The following GRID1 variants were observed in gnomAD, a reference collection of about 807,000 sequenced individuals.
The protein encoded by GRID1 is glutamate receptor ionotropic, delta-1.
In GRID1, 28 loss-of-function variants were observed where a neutral mutation model predicts 98.0. That is an observed-to-expected ratio of 0.29 (90% CI 0.21 to 0.39). The LOEUF (loss-of-function observed/expected upper bound fraction) is 0.39. Among genes scored for constraint, GRID1 ranks in the 10% least tolerant of loss-of-function variants. The pLI is 1.00. For missense variants in GRID1, 1,111 were observed against 1,340.5 expected (o/e 0.83, Z 2.67); for synonymous variants, 553 against 538.5 (o/e 1.03, Z -0.37).
intron 5 of GRID1, among the ~76,000 whole-genome samples, chr10:85,909,784 G>A (rs1202098266): frequency 6.6e-6 from 1 of 152,136 alleles, no homozygotes; most frequent in Non-Finnish European, 1.5e-5. Flanking sequence ...CATTCCTGAG[G>A]ACCATGAGGG....
chr10:85,901,232 TTTATTTATTTA>T (rs1841381696), intron 5 of GRID1, among the ~76,000 whole-genome samples: 1 of 111,542 alleles, frequency 9.0e-6, no homozygotes, highest in African/African-American at 3.1e-5. Context: ...TTTTATTTTA[TTTATTTATTTA>T]TTTATTTATT....
chr10:85,923,942 T>A (rs554199887), intron 4 of GRID1, among the ~76,000 whole-genome samples: 1 of 152,214 alleles, frequency 6.6e-6, no homozygotes, highest in South Asian at 2.1e-4. Flanking sequence ...AATTCCTGGA[T>A]CACATGCACC....
intron 3 of GRID1, among the ~76,000 whole-genome samples, chr10:86,154,951 C>T (rs548300621): frequency 6.6e-6 from 1 of 152,280 alleles, no homozygotes; most frequent in South Asian, 2.1e-4. Context: ...CTATTATTAT[C>T]CCCACTTTAC....
chr10:85,771,703 C>A (rs1206433378), intron 8 of GRID1, among the ~76,000 whole-genome samples: 1 of 152,134 alleles, frequency 6.6e-6, no homozygotes, highest in Non-Finnish European at 1.5e-5. Context: ...TTTAAACCAG[C>A]AAATATCAAA....
At chr10:85,769,669 T>C (rs1456236369) in intron 8 of GRID1, among the ~76,000 whole-genome samples, 1 of 152,186 alleles carries the variant, frequency 6.6e-6, no homozygotes, top group Admixed American at 6.5e-5. Flanking sequence ...ACCAGGAGAT[T>C]ATATCCTGCA....
chr10:86,077,797 T>C (rs1471327524), intron 4 of GRID1, among the ~76,000 whole-genome samples: 1 of 152,028 alleles, frequency 6.6e-6, no homozygotes, highest in Non-Finnish European at 1.5e-5. Context: ...AGCAGACAAA[T>C]CATGGATGGG....
chr10:86,220,856 C>T (rs1846242422), intron 2 of GRID1, among the ~76,000 whole-genome samples: 1 of 152,190 alleles, frequency 6.6e-6, no homozygotes, highest in Admixed American at 6.5e-5. Flanking sequence ...AGCCAGGTGT[C>T]GGGGGTGCGC....
chr10:86,231,025 G>C (rs762616049), intron 2 of GRID1, among the ~76,000 whole-genome samples: 3 of 152,156 alleles, frequency 2.0e-5, no homozygotes, highest in Non-Finnish European at 4.4e-5. Context: ...CTCAGCACTG[G>C]GCTGTTTCCA....
chr10:85,847,593 T>C (rs895217411), intron 8 of GRID1, among the ~76,000 whole-genome samples: 7 of 152,136 alleles, frequency 4.6e-5, no homozygotes, highest in African/African-American at 1.7e-4. Flanking sequence ...TTCAAGTCAA[T>C]AGGGAAATGA....
intron 8 of GRID1, among the ~76,000 whole-genome samples, chr10:85,836,378 C>A (rs1842911572): frequency 6.6e-6 from 1 of 151,986 alleles, no homozygotes; most frequent in Non-Finnish European, 1.5e-5. Flanking sequence ...AGGAAAGACA[C>A]ACAAGCTAGA....
At position 85,613,413 on chromosome 10, in the gene GRID1, G is replaced by C. The variant is rs749183071; in HGVS notation, c.2595C>G (p.Pro865=). The change falls in exon 15 of 16, where the codon CCC becomes CCG. Residue 865 remains proline (P), a synonymous_variant. Coordinates refer to ENST00000327946, the MANE Select transcript of GRID1 (RefSeq NM_017551.3). ...CAGGCCCCAGGGTGCTGACCTCCTT[G>C]GGGGTCTCCTGGTGGCACCGGTTGC... ...WNSNRCHQET[P]KEDKEVNLEQ... 7.4e-6 allele frequency: 12 copies of C among 1,612,512 alleles called. No individual in the cohort carries two copies. The highest frequency in any genetic ancestry group is 1.0e-5 in the Non-Finnish European group (12 of 1,179,688).
intron 2 of GRID1, among the ~76,000 whole-genome samples, chr10:86,337,032 T>C (rs1351755493): frequency 3.4e-5 from 5 of 148,564 alleles, no homozygotes; most frequent in African/African-American, 5.1e-5. Context: ...TTTTTTTTTT[T>C]AGTAGAGGCG....
intron 2 of GRID1, among the ~76,000 whole-genome samples, chr10:86,287,496 G>T (rs1219302732): frequency 6.6e-6 from 1 of 152,220 alleles, no homozygotes; most frequent in African/African-American, 2.4e-5. Flanking sequence ...TGCTTGCACT[G>T]GCACCCTGGA....
At chr10:86,180,609 C>T (rs1845641698) in intron 3 of GRID1, among the ~76,000 whole-genome samples, 1 of 152,112 alleles carries the variant, frequency 6.6e-6, no homozygotes, top group Non-Finnish European at 1.5e-5. Flanking sequence ...AAGAACAAAA[C>T]CCAAGTGCAC....
chr10:85,945,611 T>G (rs776768973), intron 4 of GRID1, among the ~76,000 whole-genome samples: 3 of 152,232 alleles, frequency 2.0e-5, no homozygotes, highest in Non-Finnish European at 2.9e-5. Context: ...AATTTCATGT[T>G]TTTAGAAAGT....
chr10:85,787,181 G>A (rs924162538), intron 8 of GRID1, among the ~76,000 whole-genome samples: 2 of 152,184 alleles, frequency 1.3e-5, no homozygotes, highest in African/African-American at 4.8e-5. Context: ...GTGTGGTGGT[G>A]AGATCACAGA....
intron 4 of GRID1, among the ~76,000 whole-genome samples, chr10:85,990,225 T>C (rs554250367): frequency 1.3e-5 from 2 of 152,308 alleles, no homozygotes; most frequent in East Asian, 3.9e-4. Context: ...GCCCTGAAAC[T>C]TAGGCATCGT....
intron 13 of GRID1, among the ~76,000 whole-genome samples, chr10:85,642,814 T>C (rs1203572154): frequency 6.6e-6 from 1 of 152,194 alleles, no homozygotes; most frequent in Non-Finnish European, 1.5e-5. Flanking sequence ...TAAGACTCTA[T>C]TTCCAGAGGG....
intron 2 of GRID1, among the ~76,000 whole-genome samples, chr10:86,302,332 G>C (rs1847700730): frequency 1.3e-5 from 2 of 152,228 alleles, no homozygotes; most frequent in African/African-American, 4.8e-5. Flanking sequence ...GGGCAGCACT[G>C]ATGAGCCTCG....
Sources: gnomAD v4.1 joint callset for allele counts (sites outside exome capture counted in the v4.1 genomes callset) on GRCh38, gnomAD v4.1.1 for gene constraint, MANE v1.5 for transcripts, NCBI Gene and HGNC (gene_info 2026-07-23, HGNC 2026-07-21) for gene names.